PIK3R1: variants seen among roughly 807,000 people sequenced by gnomAD.
PIK3R1 encodes the protein phosphatidylinositol 3-kinase regulatory subunit alpha.
PIK3R1 carries 29 observed loss-of-function variants against 98.0 expected under a neutral mutation model. That is an observed-to-expected ratio of 0.30 (90% CI 0.22 to 0.40). PIK3R1 has a LOEUF of 0.40. Ranked by LOEUF, PIK3R1 falls within the 10% of genes least tolerant of loss-of-function variation. PIK3R1 has a pLI of 1.00. For synonymous variants in PIK3R1, 282 were observed against 311.8 expected, an observed-to-expected ratio of 0.90 and a Z score of 1.01; for missense variants, 596 against 872.7, an observed-to-expected ratio of 0.68 and a Z score of 3.99.
intron 10 of PIK3R1, 111 bp from the exon 11 acceptor site, chr5:68,293,598 C>T: frequency 1.7e-6 from 2 of 1,152,532 alleles, no homozygotes; most frequent in Admixed American, 5.1e-5. Context: ...AAACTTGACA[C>T]TCGTAATTAC....
In PIK3R1 at chr5:68,289,759, CAAAAA is replaced by C. The variant is rs71305021; in HGVS notation, c.917-2477_917-2473del. On this transcript the variant is annotated intron_variant, in intron 7 of 15. Coordinates refer to ENST00000521381, the MANE Select transcript of PIK3R1 (RefSeq NM_181523.3). ...GGCATTTGAGATAGAGGGGGAAAAG[CAAAAA>C]AAAAAAAAAAAAAAAAAAAAAAGTG... Among the ~76,000 whole-genome samples the C allele has an allele frequency of 4.6e-4, 24 of 51,882 alleles. 1 individual carries two copies. The highest frequency in any genetic ancestry group is 1.5e-3 in the African/African-American group (24 of 16,168). 34.0% of individuals were successfully genotyped at this position (51,882 alleles called of 152,430 possible).
In PIK3R1 at chr5:68,238,046, A is replaced by G. The variant is rs1006569053; in HGVS notation, c.334+11037A>G. Among the ~76,000 whole-genome samples the G allele has an allele frequency of 5.3e-5, 8 of 152,222 alleles. No individual in the cohort carries two copies. The East Asian group carries it at 1.5e-3, about 29-fold the overall frequency. ...TGTTATATTCTGAGAATCCTGATCCATGAAAATAAAGTGCTGAAGGTGGGG... is the reference window on the plus strand; with the variant it reads ...TGTTATATTCTGAGAATCCTGATCCGTGAAAATAAAGTGCTGAAGGTGGGG... On this transcript the variant is annotated intron_variant, in intron 2 of 15. Transcript: ENST00000521381.
intron 2 of PIK3R1, among the ~76,000 whole-genome samples, chr5:68,230,255 G>A (rs1171395412): frequency 1.3e-5 from 2 of 152,142 alleles, no homozygotes; most frequent in South Asian, 2.1e-4. Flanking sequence ...CTTAACCCAC[G>A]ATATCGTTTA....
Position 68,254,851 on chromosome 5 carries a change from G to A in PIK3R1, c.335-18539G>A, listed in dbSNP as rs1196952784. Among the ~76,000 whole-genome samples the A allele has an allele frequency of 2.0e-5, 3 of 147,194 alleles. No homozygotes were observed. In the East Asian group the frequency reaches 5.9e-4, roughly 29 times the overall value. On this transcript the variant is annotated intron_variant, in intron 2 of 15. Coordinates refer to ENST00000521381, the MANE Select transcript of PIK3R1 (RefSeq NM_181523.3). ...TTCTTTTTTTCTTTTTTTTTTTTAT[G>A]ATGCAAACAAAGCAGTATCTTAAAT...
chr5:68,264,003 G>A (rs975982394), intron 2 of PIK3R1, among the ~76,000 whole-genome samples: 3 of 152,132 alleles, frequency 2.0e-5, no homozygotes, highest in African/African-American at 7.2e-5. Flanking sequence ...AGGGCCCTCT[G>A]TCCATCTGAT....
At chr5:68,245,013 A>G (rs1272268537) in intron 2 of PIK3R1, among the ~76,000 whole-genome samples, 3 of 152,230 alleles carry the variant, frequency 2.0e-5, no homozygotes, top group African/African-American at 4.8e-5. Context: ...TGCCAGATTA[A>G]GTCAGGCATC....
At chr5:68,235,801 T>C (rs982379108) in intron 2 of PIK3R1, among the ~76,000 whole-genome samples, 20 of 152,240 alleles carry the variant, frequency 1.3e-4, no homozygotes, top group Admixed American at 1.3e-4. Flanking sequence ...TGTTTAACTA[T>C]TGAAAATGTC....
intron 7 of PIK3R1, among the ~76,000 whole-genome samples, chr5:68,283,986 A>G (rs1320044758): frequency 6.6e-6 from 1 of 152,214 alleles, no homozygotes; most frequent in African/African-American, 2.4e-5. Flanking sequence ...TATACTTTTC[A>G]GGATAAGGCT....
At chr5:68,228,648 T>C (rs1744368926) in intron 2 of PIK3R1, among the ~76,000 whole-genome samples, 1 of 152,186 alleles carries the variant, frequency 6.6e-6, no homozygotes, top group Non-Finnish European at 1.5e-5. Context: ...CTTTCTTCAG[T>C]AGCCTAATTC....
chr5:68,276,487 C>T (rs564862694), intron 4 of PIK3R1, among the ~76,000 whole-genome samples: 68 of 152,232 alleles, frequency 4.5e-4, no homozygotes, highest in African/African-American at 1.6e-3. Flanking sequence ...GGAGAGTTTA[C>T]TGGGTACCTG....
chr5:68,263,521 A>C (rs1745996229), intron 2 of PIK3R1, among the ~76,000 whole-genome samples: 1 of 152,058 alleles, frequency 6.6e-6, no homozygotes, highest in Admixed American at 6.6e-5. Flanking sequence ...ACTACTGATC[A>C]TAGTCTATTG....
In PIK3R1 at chr5:68,280,391, T is replaced by C. The variant is rs1746778752; in HGVS notation, c.635-137T>C. 8 of 672,544 alleles carry C rather than the reference T, an allele frequency of 1.2e-5. No homozygotes were observed. The Admixed American group carries it at 1.7e-4, about 14-fold the overall frequency. 41.7% of individuals were successfully genotyped at this position (672,544 alleles called of 1,614,324 possible). A position where few individuals can be genotyped will look rare whatever the true frequency, so the allele number is the denominator to read the frequency against. On this transcript the variant is annotated intron_variant, in intron 5 of 15. Coordinates refer to ENST00000521381, the MANE Select transcript of PIK3R1 (RefSeq NM_181523.3). ...TTTCTAATGAGAAGGACAAATGTAC[T>C]GTGTGCTTCTCCCAACAACTTTTTA...
In PIK3R1 at chr5:68,300,194, T is replaced by C. The variant is rs1241977742; in HGVS notation, c.*2593T>C. On this transcript the variant is annotated 3_prime_UTR_variant, in exon 16 of 16. Transcript: ENST00000521381. ...TTGCATCTCACAAACATAAGTGCAATAGATCTTTTCATTGAACAGCAAAGT... is the reference window on the plus strand; with the variant it reads ...TTGCATCTCACAAACATAAGTGCAACAGATCTTTTCATTGAACAGCAAAGT... 1 of 233,096 alleles carries C rather than the reference T, an allele frequency of 4.3e-6. No individual in the cohort carries two copies. The highest frequency in any genetic ancestry group is 6.0e-5 in the East Asian group (1 of 16,584). The allele number at this position is 233,096 out of a possible 1,614,324, so 14.4% of individuals were successfully genotyped here.
chr5:68,258,659 G>A (rs1437709750), intron 2 of PIK3R1, among the ~76,000 whole-genome samples: 2 of 152,154 alleles, frequency 1.3e-5, no homozygotes, highest in African/African-American at 2.4e-5. Flanking sequence ...TCAGCAGACC[G>A]TCTCTAATGA....
At chr5:68,235,400 C>CT (rs1744627023) in intron 2 of PIK3R1, among the ~76,000 whole-genome samples, 1 of 121,350 alleles carries the variant, frequency 8.2e-6, no homozygotes, top group Non-Finnish European at 1.7e-5. Flanking sequence ...GAAAGTGTCT[C>CT]AAAATAAATA....
In PIK3R1 at chr5:68,299,493, C is replaced by G. The variant is rs572388641; in HGVS notation, c.*1892C>G. 4.3e-6 allele frequency: 1 copy of G among 233,328 alleles called. No homozygotes were observed. Among genetic ancestry groups the G allele is most frequent in the South Asian group, 1.8e-4 (1 of 5,528 alleles). 14.5% of individuals were successfully genotyped at this position (233,328 alleles called of 1,614,324 possible). A position where few individuals can be genotyped will look rare whatever the true frequency, so the allele number is the denominator to read the frequency against. Reference sequence around the variant, plus strand: ...CATTTAGGGCAGGAGTGAGAGGTCTCTCTTCCTGATTTAGATATGCAAAAG... The same window carrying G: ...CATTTAGGGCAGGAGTGAGAGGTCTGTCTTCCTGATTTAGATATGCAAAAG... On this transcript the variant is annotated 3_prime_UTR_variant, in exon 16 of 16. Coordinates refer to ENST00000521381, the MANE Select transcript of PIK3R1 (RefSeq NM_181523.3).
Position 68,297,872 on chromosome 5 carries a change from CA to C in PIK3R1, c.*272del. On this transcript the variant is annotated 3_prime_UTR_variant, in exon 16 of 16. Coordinates refer to ENST00000521381, the MANE Select transcript of PIK3R1 (RefSeq NM_181523.3). ...AATTTAAAGCCACAACCACATACAACACAAAGAGAAAAAGAAATGCAAAAAT... is the reference window on the plus strand; with the variant it reads ...AATTTAAAGCCACAACCACATACAACCAAAGAGAAAAAGAAATGCAAAAAT... The C allele has an allele frequency of 3.4e-6, 1 of 298,072 alleles. No homozygotes were observed. Among genetic ancestry groups the C allele is most frequent in the South Asian group, 1.4e-4 (1 of 7,270 alleles). The allele number at this position is 298,072 out of a possible 1,614,324, so 18.5% of individuals were successfully genotyped here.
At chr5:68,238,218 C>T (rs10940158) in intron 2 of PIK3R1, among the ~76,000 whole-genome samples, 86,087 of 151,606 alleles carry the variant, frequency 0.57, 25,283 homozygotes, top group East Asian at 0.76. Context: ...CACCTTGGAA[C>T]TGGCCTTTTC....
chr5:68,278,593 T>C (rs547740784), intron 4 of PIK3R1, among the ~76,000 whole-genome samples: 1 of 152,336 alleles, frequency 6.6e-6, no homozygotes, highest in South Asian at 2.1e-4. Context: ...GTTTGGGTTC[T>C]GTATTCGTTT....
Sources: allele counts gnomAD v4.1 joint callset (sites outside exome capture counted in the v4.1 genomes callset), GRCh38; gene constraint gnomAD v4.1.1; transcripts MANE v1.5; gene names NCBI Gene and HGNC (gene_info 2026-07-23, HGNC 2026-07-21).